GREM2: variants seen among roughly 807,000 people sequenced by gnomAD.
The protein encoded by GREM2 is gremlin-2.
In GREM2, 11 loss-of-function variants were observed where a neutral mutation model predicts 14.2. The ratio of observed to expected loss-of-function variants is 0.78; its 90% CI spans 0.49 to 1.28. The LOEUF is 1.28. GREM2 is among the 50% of genes most tolerant of loss of function. The pLI is 0.00. For missense variants in GREM2, 210 were observed against 218.5 expected (o/e 0.96, Z 0.24); for synonymous variants, 98 against 97.6 (o/e 1.00, Z -0.02).
chr1:240,510,145 G>A (rs1471260446), intron 1 of GREM2, among the ~76,000 whole-genome samples: 8 of 152,000 alleles, frequency 5.3e-5, no homozygotes, highest in Non-Finnish European at 7.4e-5. Context: ...CGAGGCGGGC[G>A]GATCACGAGG....
chr1:240,542,390 C>T lies in GREM2; in HGVS notation c.-1-48914G>A, dbSNP rs375052300. Among the ~76,000 whole-genome samples the T allele has an allele frequency of 1.6e-3, 236 of 149,488 alleles. 1 individual carries two copies. Among genetic ancestry groups the T allele is most frequent in the Middle Eastern group, 0.014 (4 of 290 alleles). On this transcript the variant is annotated intron_variant, in intron 1 of 1. Coordinates refer to ENST00000318160, the MANE Select transcript of GREM2 (RefSeq NM_022469.4). The surrounding 1 kb of genome is among the most constrained non-coding windows in gnomAD (Gnocchi z 4.1). ...GAGGCCGAGGTGGGCAGATCACTTG[C>T]GGCCAGGAGTTCGAGACCAGCCTGG...
chr1:240,523,238 A>G (rs1236731323), intron 1 of GREM2, among the ~76,000 whole-genome samples: 2 of 152,170 alleles, frequency 1.3e-5, no homozygotes, highest in Non-Finnish European at 2.9e-5. Context: ...GATTACAGGC[A>G]TGTGTCACCA....
intron 1 of GREM2, among the ~76,000 whole-genome samples, chr1:240,495,521 C>T (rs1440508506): frequency 6.6e-6 from 1 of 152,136 alleles, no homozygotes; most frequent in East Asian, 1.9e-4. Flanking sequence ...TCTCAAAGTA[C>T]ATCAAACACT....
At chr1:240,547,296 C>T (rs532887993) in intron 1 of GREM2, among the ~76,000 whole-genome samples, 1 of 151,634 alleles carries the variant, frequency 6.6e-6, no homozygotes, top group Non-Finnish European at 1.5e-5. Context: ...GGCAGGAGAT[C>T]AAGACCATCC....
chr1:240,518,793 A>G (rs1372230104), intron 1 of GREM2, among the ~76,000 whole-genome samples: 1 of 152,248 alleles, frequency 6.6e-6, no homozygotes, highest in South Asian at 2.1e-4. Flanking sequence ...GAAAATCTGC[A>G]TGCGTGGCTT....
At chr1:240,524,396 C>T (rs1468059013) in intron 1 of GREM2, among the ~76,000 whole-genome samples, 1 of 151,994 alleles carries the variant, frequency 6.6e-6, no homozygotes, top group Non-Finnish European at 1.5e-5. Flanking sequence ...AGTTCATTGT[C>T]TTTTGATTTG....
chr1:240,584,945 T>G (rs1679560651), intron 1 of GREM2, among the ~76,000 whole-genome samples: 1 of 152,152 alleles, frequency 6.6e-6, no homozygotes, highest in African/African-American at 2.4e-5. Flanking sequence ...GCTGCCATCC[T>G]TTCTGTCCAT....
chr1:240,525,093 T>C (rs1470192519), intron 1 of GREM2, among the ~76,000 whole-genome samples: 1 of 152,178 alleles, frequency 6.6e-6, no homozygotes, highest in Non-Finnish European at 1.5e-5. Context: ...AGGCCCTAAA[T>C]GACTGGTACT....
In GREM2 at chr1:240,492,964, G is replaced by GGC; in HGVS notation, c.*3_*4dup. ...CGCGGGGCTGAGCTGCGTCCGGCCC[G>GGC]GCGCTCACTGCTTGTCCGAGTCGCT... is the stretch of plus-strand genomic sequence containing the variant. On this transcript the variant is annotated 3_prime_UTR_variant, in exon 2 of 2. Coordinates refer to ENST00000318160, the MANE Select transcript of GREM2 (RefSeq NM_022469.4). The GGC allele has an allele frequency of 6.6e-7, 1 of 1,517,362 alleles. No homozygotes were observed. The highest frequency in any genetic ancestry group is 8.9e-7 in the Non-Finnish European group (1 of 1,128,980). 94.0% of individuals were successfully genotyped at this position (1,517,362 alleles called of 1,614,324 possible). A position where few individuals can be genotyped will look rare whatever the true frequency, so the allele number is the denominator to read the frequency against.
At chr1:240,520,424 G>C (rs1395128910) in intron 1 of GREM2, among the ~76,000 whole-genome samples, 1 of 152,226 alleles carries the variant, frequency 6.6e-6, no homozygotes, top group East Asian at 1.9e-4. Context: ...CTTTGGGACA[G>C]TGTGAGTGGA....
intron 1 of GREM2, among the ~76,000 whole-genome samples, chr1:240,495,312 T>G (rs992260940): frequency 2.0e-5 from 3 of 152,222 alleles, no homozygotes; most frequent in Non-Finnish European, 4.4e-5. Context: ...TCTTTTAACA[T>G]GTATACCCTA....
chr1:240,524,073 A>T (rs1678167750), intron 1 of GREM2, among the ~76,000 whole-genome samples: 1 of 152,152 alleles, frequency 6.6e-6, no homozygotes, highest in Admixed American at 6.5e-5. Flanking sequence ...GAGTGCAGTG[A>T]TGTAATAATC....
intron 1 of GREM2, among the ~76,000 whole-genome samples, chr1:240,544,154 T>C (rs1678661539): frequency 6.6e-6 from 1 of 150,678 alleles, no homozygotes; most frequent in Non-Finnish European, 1.5e-5. Flanking sequence ...ACTAGGCCTT[T>C]TTTTTTTTTT....
chr1:240,581,057 C>T (rs955563535), intron 1 of GREM2, among the ~76,000 whole-genome samples: 1 of 151,974 alleles, frequency 6.6e-6, no homozygotes, highest in Non-Finnish European at 1.5e-5. Context: ...CAGCACCAGC[C>T]TGGACAACGT....
intron 1 of GREM2, among the ~76,000 whole-genome samples, chr1:240,516,566 A>T (rs776078653): frequency 1.3e-5 from 2 of 150,876 alleles, no homozygotes; most frequent in Non-Finnish European, 3.0e-5. Context: ...TGGGAAGAAA[A>T]CTCCTTTCAT....
chr1:240,513,179 C>T (rs367972860), intron 1 of GREM2, among the ~76,000 whole-genome samples: 14 of 152,136 alleles, frequency 9.2e-5, no homozygotes, highest in African/African-American at 2.6e-4. Context: ...TGGCATGCAA[C>T]GTGAGACCTG....
intron 1 of GREM2, among the ~76,000 whole-genome samples, chr1:240,571,492 G>A (rs1180922546): frequency 2.6e-5 from 4 of 152,060 alleles, no homozygotes; most frequent in Admixed American, 6.6e-5. Context: ...TCAGGAGTTC[G>A]AGACCAGCCT....
intron 1 of GREM2, among the ~76,000 whole-genome samples, chr1:240,593,420 G>T (rs980249615): frequency 1.6e-4 from 24 of 151,816 alleles, no homozygotes; most frequent in African/African-American, 5.6e-4. Context: ...GTTTCCACCA[G>T]TTATGAGTTG....
intron 1 of GREM2, among the ~76,000 whole-genome samples, chr1:240,576,877 A>G (rs1409205219): frequency 6.6e-6 from 1 of 152,192 alleles, no homozygotes; most frequent in Admixed American, 6.5e-5. Context: ...TTTATTTTTA[A>G]AACAACCACA....
Sources: gnomAD v4.1 joint callset for allele counts (sites outside exome capture counted in the v4.1 genomes callset) on GRCh38, gnomAD v4.1.1 for gene constraint, Gnocchi (gnomAD v3.1) non-coding constraint, MANE v1.5 for transcripts, NCBI Gene and HGNC (gene_info 2026-07-23, HGNC 2026-07-21) for gene names.